The following EPHA3 variants were observed in gnomAD, a reference collection of about 807,000 sequenced individuals.
EPHA3 encodes ephrin type-A receptor 3.
In EPHA3, 42 loss-of-function variants were observed where a neutral mutation model predicts 107.1. That is an observed-to-expected ratio of 0.39 (90% CI 0.31 to 0.51). The LOEUF (loss-of-function observed/expected upper bound fraction) is 0.51. Among genes scored for constraint, EPHA3 ranks in the 20% least tolerant of loss-of-function variants. The probability of loss-of-function intolerance (pLI) is 0.78; values close to 1 mark genes in which losing one functional copy is unlikely to be tolerated. For missense variants in EPHA3, 1,183 were observed against 1,211.2 expected (o/e 0.98, Z 0.35); for synonymous variants, 461 against 424.8 (o/e 1.09, Z -1.05).
At chr3:89,414,732 A>G (rs1384315460) in intron 10 of EPHA3, among the ~76,000 whole-genome samples, 2 of 151,672 alleles carry the variant, frequency 1.3e-5, no homozygotes, top group South Asian at 2.1e-4. Context: ...CTCCACTGAT[A>G]AAATATCTTT....
intron 2 of EPHA3, among the ~76,000 whole-genome samples, chr3:89,172,625 C>T (rs2107100708): frequency 6.6e-6 from 1 of 152,222 alleles, no homozygotes; most frequent in Admixed American, 6.5e-5. Flanking sequence ...GAATAATATG[C>T]AAAATAACTG....
At chr3:89,399,175 A>G in intron 6 of EPHA3, 143 bp from the exon 7 acceptor site, 1 of 813,062 alleles carries the variant, frequency 1.2e-6, no homozygotes, top group Non-Finnish European at 1.8e-6. Flanking sequence ...AAAATAATTG[A>G]AATAATCGAT....
intron 13 of EPHA3, among the ~76,000 whole-genome samples, chr3:89,437,872 A>G (rs1709705151): frequency 1.3e-5 from 2 of 152,124 alleles, no homozygotes; most frequent in Admixed American, 6.6e-5. Context: ...CTGAGTTGGA[A>G]AGTTTGAGAA....
intron 9 of EPHA3, 32 bp from the exon 10 acceptor site, chr3:89,413,109 A>G (rs751825061): frequency 5.6e-6 from 9 of 1,609,182 alleles, no homozygotes; most frequent in Non-Finnish European, 7.6e-6. Flanking sequence ...AAATCTAGCT[A>G]CAATTGCGCC....
chr3:89,351,209 C>A (rs900688309), intron 5 of EPHA3, among the ~76,000 whole-genome samples: 3 of 151,228 alleles, frequency 2.0e-5, no homozygotes, highest in African/African-American at 7.3e-5. Flanking sequence ...GGCGCCCCTC[C>A]CCCAGCCTCG....
At chr3:89,349,379 T>G in intron 5 of EPHA3, among the ~76,000 whole-genome samples, 1 of 109,344 alleles carries the variant, frequency 9.1e-6, no homozygotes, top group African/African-American at 4.0e-5. Context: ...AATGGCCTTC[T>G]TTGTCTCTTT....
chr3:89,304,097 C>T (rs11925539), intron 3 of EPHA3, among the ~76,000 whole-genome samples: 6,858 of 152,044 alleles, frequency 0.045, 511 homozygotes, highest in African/African-American at 0.16. Context: ...CCCCAGCCCC[C>T]ACTTCGCTAC....
At chr3:89,472,849 A>G (rs1187254657) in intron 16 of EPHA3, among the ~76,000 whole-genome samples, 1 of 152,166 alleles carries the variant, frequency 6.6e-6, no homozygotes, top group Non-Finnish European at 1.5e-5. Flanking sequence ...AGGGCCCAGG[A>G]TCGGTGTCTT....
At chr3:89,168,920 G>A (rs1705142207) in intron 2 of EPHA3, among the ~76,000 whole-genome samples, 1 of 152,048 alleles carries the variant, frequency 6.6e-6, no homozygotes, top group South Asian at 2.1e-4. Context: ...GTCTCAGAGA[G>A]ATGTTTTTCC....
At chr3:89,396,730 A>G (rs1009165180) in intron 6 of EPHA3, among the ~76,000 whole-genome samples, 1 of 152,214 alleles carries the variant, frequency 6.6e-6, no homozygotes, top group Non-Finnish European at 1.5e-5. Context: ...CATGAACACT[A>G]CATATTTGTG....
chr3:89,427,409 C>T (rs1018619931), intron 11 of EPHA3, among the ~76,000 whole-genome samples: 2 of 151,688 alleles, frequency 1.3e-5, no homozygotes, highest in African/African-American at 4.8e-5. Context: ...GCAAACTAAC[C>T]TCATGATAAA....
At chr3:89,132,717 A>T (rs755824604) in intron 2 of EPHA3, among the ~76,000 whole-genome samples, 1 of 152,030 alleles carries the variant, frequency 6.6e-6, no homozygotes, top group Non-Finnish European at 1.5e-5. Flanking sequence ...CCAATCAATC[A>T]ATCAATCAAT....
chr3:89,265,895 T>G (rs2107289045), intron 3 of EPHA3, among the ~76,000 whole-genome samples: 1 of 152,246 alleles, frequency 6.6e-6, no homozygotes. Flanking sequence ...AGGAAAAAAT[T>G]TCTGTAAGAT....
chr3:89,422,946 G>A (rs1512184), intron 11 of EPHA3, among the ~76,000 whole-genome samples: 5,810 of 151,238 alleles, frequency 0.038, 388 homozygotes, highest in African/African-American at 0.13. Flanking sequence ...AGCAGAAAGC[G>A]GGGGGCACAG....
chr3:89,391,802 C>T (rs573603361), intron 5 of EPHA3, among the ~76,000 whole-genome samples: 1 of 152,160 alleles, frequency 6.6e-6, no homozygotes, highest in South Asian at 2.1e-4. Context: ...TATATTATGT[C>T]TCCTTTCTTT....
chr3:89,378,063 G>A (rs1178506539), intron 5 of EPHA3, among the ~76,000 whole-genome samples: 1 of 152,000 alleles, frequency 6.6e-6, no homozygotes, highest in Admixed American at 6.6e-5. Flanking sequence ...GCTGAACAAT[G>A]AGAACACTTG....
At chr3:89,230,124 G>A (rs969354784) in intron 3 of EPHA3, among the ~76,000 whole-genome samples, 4 of 152,024 alleles carry the variant, frequency 2.6e-5, no homozygotes, top group African/African-American at 9.7e-5. Flanking sequence ...CCAGTGAAGA[G>A]AGGAAGACCC....
At chr3:89,450,892 C>T (rs909389684) in intron 15 of EPHA3, among the ~76,000 whole-genome samples, 6 of 152,024 alleles carry the variant, frequency 3.9e-5, no homozygotes, top group African/African-American at 7.2e-5. Context: ...GTCAACAGAG[C>T]GAGACTCTCT....
intron 3 of EPHA3, among the ~76,000 whole-genome samples, chr3:89,214,666 T>G (rs1192345896): frequency 6.6e-6 from 1 of 151,946 alleles, no homozygotes; most frequent in African/African-American, 2.4e-5. Flanking sequence ...CTCCATTATC[T>G]TATTGTTAAG....
Sources: allele counts gnomAD v4.1 joint callset (sites outside exome capture counted in the v4.1 genomes callset), GRCh38; gene constraint gnomAD v4.1.1; transcripts MANE v1.5; gene names NCBI Gene and HGNC (gene_info 2026-07-23, HGNC 2026-07-21).